LDLRAD3: variants seen among roughly 807,000 people sequenced by gnomAD.
The protein encoded by LDLRAD3 is low-density lipoprotein receptor class A domain-containing protein 3.
Under a neutral mutation model 29.4 loss-of-function variants are expected in LDLRAD3, and 20 were observed. The ratio of observed to expected loss-of-function variants is 0.68; its 90% CI spans 0.48 to 0.99. The LOEUF (loss-of-function observed/expected upper bound fraction) is 0.99. LDLRAD3 is among the 50% of genes least tolerant of loss of function. LDLRAD3 has a pLI of 0.00. For synonymous variants in LDLRAD3, 157 were observed against 192.7 expected (o/e 0.81, Z 1.53); for missense variants, 420 against 454.3 (o/e 0.92, Z 0.69).
At chr11:36,125,580 G>C (rs1853824471) in intron 4 of LDLRAD3, among the ~76,000 whole-genome samples, 1 of 152,188 alleles carries the variant, frequency 6.6e-6, no homozygotes, top group South Asian at 2.1e-4. Flanking sequence ...GGCCTCAGCT[G>C]GTCGATGGGG....
At chr11:35,974,491 C>G (rs1483319659) in intron 1 of LDLRAD3, among the ~76,000 whole-genome samples, 1 of 152,214 alleles carries the variant, frequency 6.6e-6, no homozygotes, top group East Asian at 1.9e-4. Flanking sequence ...TACAGCTTAG[C>G]TGGGCTCTCT....
intron 2 of LDLRAD3, among the ~76,000 whole-genome samples, chr11:36,079,688 C>A (rs898336946): frequency 8.5e-5 from 13 of 152,180 alleles, no homozygotes; most frequent in Admixed American, 7.9e-4. Flanking sequence ...TGCAAAGCCA[C>A]AGGGGCTGGA....
At chr11:36,175,656 G>C (rs1310812892) in intron 4 of LDLRAD3, among the ~76,000 whole-genome samples, 4 of 152,246 alleles carry the variant, frequency 2.6e-5, no homozygotes, top group Non-Finnish European at 5.9e-5. Context: ...ATTTTATTCT[G>C]CTTTGGTCTG....
In LDLRAD3 at chr11:36,227,049, CCTT is replaced by C. The variant is rs369244883; in HGVS notation, c.455-33_455-31del. ...ACACAAAGATTAGCCAAACTGGTAACCTTCTCTCTTTTCTCTCCTCTCTTGGGT... is the reference window on the plus strand; with the variant it reads ...ACACAAAGATTAGCCAAACTGGTAACCTCTCTTTTCTCTCCTCTCTTGGGT... On this transcript the variant is annotated intron_variant, in intron 4 of 5. Coordinates refer to ENST00000315571, the MANE Select transcript of LDLRAD3 (RefSeq NM_174902.4). 1.1e-4 allele frequency: 154 copies of C among 1,395,592 alleles called. No homozygotes were observed. The East Asian group carries it at 3.0e-3, about 27-fold the overall frequency. 86.5% of individuals were successfully genotyped at this position (1,395,592 alleles called of 1,614,324 possible).
chr11:36,192,822 C>G lies in LDLRAD3; in HGVS notation c.455-34263C>G, dbSNP rs114493002. On this transcript the variant is annotated intron_variant, in intron 4 of 5. Coordinates refer to ENST00000315571, the MANE Select transcript of LDLRAD3 (RefSeq NM_174902.4). ...TCTTGCCACTTGCTCCCCGGCCAAA[C>G]CAGCCAAAGCCTCAGGGGCCAAATG... 1.7e-3 allele frequency among the ~76,000 whole-genome samples: 264 copies of G among 152,278 alleles called. 2 individuals are homozygous for G. Among genetic ancestry groups the G allele is most frequent in the African/African-American group, 6.2e-3 (257 of 41,556 alleles).
At chr11:36,059,153 C>G (rs1852662680) in intron 2 of LDLRAD3, among the ~76,000 whole-genome samples, 1 of 152,078 alleles carries the variant, frequency 6.6e-6, no homozygotes, top group South Asian at 2.1e-4. Context: ...ACCACTTGAG[C>G]CGAGGAATTC....
At chr11:36,112,944 G>A (rs1490108715) in intron 4 of LDLRAD3, among the ~76,000 whole-genome samples, 2 of 152,156 alleles carry the variant, frequency 1.3e-5, no homozygotes, top group Admixed American at 6.5e-5. Context: ...TGATTTGAGT[G>A]GATTGCAAGC....
At chr11:36,024,373 T>A (rs1277445030) in intron 1 of LDLRAD3, among the ~76,000 whole-genome samples, 1 of 152,216 alleles carries the variant, frequency 6.6e-6, no homozygotes, top group Non-Finnish European at 1.5e-5. Context: ...TCTTTGTCAT[T>A]ATTTGTATCT....
At position 36,111,997 on chromosome 11, in the gene LDLRAD3, C is replaced by G. The variant is rs147188104; in HGVS notation, c.454+13536C>G. 5.9e-5 allele frequency among the ~76,000 whole-genome samples: 9 copies of G among 152,308 alleles called. 2 individuals are homozygous for G. Among genetic ancestry groups the G allele is most frequent in the African/African-American group, 2.2e-4 (9 of 41,556 alleles). On this transcript the variant is annotated intron_variant, in intron 4 of 5. Coordinates refer to ENST00000315571, the MANE Select transcript of LDLRAD3 (RefSeq NM_174902.4). Reference sequence around the variant, plus strand: ...TTCCTTGAGATTTTGTGCCCTTTATCATGTGTCTGCTGCTCAAATTTGCAT... The same window carrying G: ...TTCCTTGAGATTTTGTGCCCTTTATGATGTGTCTGCTGCTCAAATTTGCAT...
At chr11:36,170,489 A>G (rs1321397072) in intron 4 of LDLRAD3, among the ~76,000 whole-genome samples, 2 of 152,002 alleles carry the variant, frequency 1.3e-5, no homozygotes, top group South Asian at 2.1e-4. Context: ...TATTTTTTAT[A>G]TAATGACTTC....
At position 36,069,616 on chromosome 11, in the gene LDLRAD3, A is replaced by AT. The variant is rs567380302; in HGVS notation, c.194-12030dup. On this transcript the variant is annotated intron_variant, in intron 2 of 5. Transcript: ENST00000315571. ...CTGAATTGTAACTGGTTCATAGCAC[A>AT]TTTTTTTATGAGAAATAGGGCTTTT... Among the ~76,000 whole-genome samples, 59 of 149,556 alleles carry AT rather than the reference A, an allele frequency of 3.9e-4. 1 individual carries two copies. Among genetic ancestry groups the AT allele is most frequent in the South Asian group, 2.6e-3 (12 of 4,672 alleles).
At chr11:36,035,558 C>T (rs2133209586) in intron 1 of LDLRAD3, among the ~76,000 whole-genome samples, 1 of 152,276 alleles carries the variant, frequency 6.6e-6, no homozygotes, top group Admixed American at 6.5e-5. Flanking sequence ...TCAATGTGGC[C>T]TTTTCTACCT....
At chr11:36,054,986 GATGGATGGATGGATGC>G (rs1852594642) in intron 2 of LDLRAD3, among the ~76,000 whole-genome samples, 1 of 113,638 alleles carries the variant, frequency 8.8e-6, no homozygotes, top group East Asian at 3.2e-4. Context: ...TGGATGGATG[GATGGATGGATGGATGC>G]ATGGATGGAT....
intron 1 of LDLRAD3, among the ~76,000 whole-genome samples, chr11:35,991,313 A>G (rs1006596926): frequency 2.6e-4 from 40 of 152,224 alleles, no homozygotes; most frequent in African/African-American, 8.4e-4. Flanking sequence ...TGGTTACCCA[A>G]AATGAGTCCT....
intron 4 of LDLRAD3, among the ~76,000 whole-genome samples, chr11:36,205,213 C>T (rs963979283): frequency 4.6e-5 from 7 of 152,128 alleles, no homozygotes; most frequent in Admixed American, 2.0e-4. Context: ...TCCGTGGGGC[C>T]GGGGGATTCC....
chr11:36,061,029 GT>G (rs1565193499), intron 2 of LDLRAD3, among the ~76,000 whole-genome samples: 1 of 152,230 alleles, frequency 6.6e-6, no homozygotes, highest in South Asian at 2.1e-4. Context: ...CTGCCTCACA[GT>G]TTTTTGGTGG....
At chr11:36,110,155 A>C (rs1853586533) in intron 4 of LDLRAD3, 1 of 152,230 alleles carries the variant, frequency 6.6e-6, no homozygotes, top group Admixed American at 6.5e-5. Context: ...TTCTTTAACC[A>C]CAGCAGCAGG....
At chr11:36,076,212 C>CCA (rs1852996578) in intron 2 of LDLRAD3, among the ~76,000 whole-genome samples, 2 of 130,476 alleles carry the variant, frequency 1.5e-5, no homozygotes, top group African/African-American at 5.8e-5. Flanking sequence ...TTTTGTCTGT[C>CCA]TGTCCATCCG....
chr11:36,079,368 GGAGGAT>G (rs146000409), intron 2 of LDLRAD3, among the ~76,000 whole-genome samples: 4,066 of 152,248 alleles, frequency 0.027, 168 homozygotes, highest in African/African-American at 0.092. Context: ...GTGATGATGA[GGAGGAT>G]GAGGATGAGG....
Sources: gnomAD v4.1 joint callset for allele counts (sites outside exome capture counted in the v4.1 genomes callset) on GRCh38, gnomAD v4.1.1 for gene constraint, MANE v1.5 for transcripts, NCBI Gene and HGNC (gene_info 2026-07-23, HGNC 2026-07-21) for gene names.